The following TEX11 variants were observed in gnomAD, a reference collection of about 807,000 sequenced individuals.
TEX11 encodes testis-expressed protein 11.
In TEX11, 7 loss-of-function variants were observed where a neutral mutation model predicts 84.4. The observed-to-expected ratio is 0.08, with a 90% CI of 0.05 to 0.16. The LOEUF is 0.16. TEX11 is among the 10% of genes least tolerant of loss of function. The pLI is 1.00. For synonymous variants in TEX11, 264 were observed against 222.8 expected (o/e 1.18, Z -1.64); for missense variants, 551 against 660.5 (o/e 0.83, Z 1.82).
At chrX:70,849,419 G>A (rs1207431900) in intron 7 of TEX11, among the ~76,000 whole-genome samples, 1 of 111,883 alleles carries the variant, frequency 8.9e-6, no homozygotes, top group Non-Finnish European at 1.9e-5. Flanking sequence ...CTTGAGGATA[G>A]GATATGTGAT....
intron 3 of TEX11, among the ~76,000 whole-genome samples, chrX:70,874,934 G>C (rs897277682): frequency 1.1e-4 from 12 of 109,953 alleles, no homozygotes; most frequent in African/African-American, 4.0e-4. Context: ...CAGCACTTTG[G>C]GAGGCCGAGG....
At chrX:70,575,623 C>T (rs1292397174) in intron 25 of TEX11, among the ~76,000 whole-genome samples, 4 of 111,705 alleles carry the variant, frequency 3.6e-5, no homozygotes, top group South Asian at 3.8e-4. Flanking sequence ...GGATCCTTGA[C>T]CGTAGACTTC....
chrX:70,731,178 C>T (rs752871453), intron 11 of TEX11, among the ~76,000 whole-genome samples: 15 of 111,903 alleles, frequency 1.3e-4, no homozygotes, highest in African/African-American at 4.2e-4. Context: ...ATTTATAGCA[C>T]TAAATGCCCA....
chrX:70,892,594 G>T (rs964736823), intron 2 of TEX11, among the ~76,000 whole-genome samples: 1 of 110,435 alleles, frequency 9.1e-6, no homozygotes, highest in South Asian at 3.9e-4. Flanking sequence ...ATTGCTGGGC[G>T]TGGTGGCACA....
chrX:70,898,108 G>A (rs1386787830), intron 2 of TEX11, among the ~76,000 whole-genome samples: 1 of 111,541 alleles, frequency 9.0e-6, no homozygotes, highest in Non-Finnish European at 1.9e-5. Flanking sequence ...AAAGATGAGT[G>A]AAGCAGTCTA....
chrX:70,533,273 T>C (rs1317039552), intron 28 of TEX11, among the ~76,000 whole-genome samples: 6 of 100,287 alleles, frequency 6.0e-5, no homozygotes, highest in Non-Finnish European at 1.2e-4. Context: ...CTGGCATCAC[T>C]GAAAGAAAAA....
At chrX:70,549,956 T>G (rs769757836) in intron 28 of TEX11, among the ~76,000 whole-genome samples, 1 of 112,470 alleles carries the variant, frequency 8.9e-6, no homozygotes, top group East Asian at 2.8e-4. Context: ...TGAGACCCAG[T>G]GCTGTGCTGG....
At chrX:70,865,966 T>C (rs2091597131) in intron 4 of TEX11, among the ~76,000 whole-genome samples, 1 of 110,450 alleles carries the variant, frequency 9.1e-6, no homozygotes, top group Non-Finnish European at 1.9e-5. Context: ...CACCCGAACA[T>C]CACAATTAAA....
At chrX:70,728,380 G>A (rs1233112472) in intron 11 of TEX11, among the ~76,000 whole-genome samples, 1 of 113,202 alleles carries the variant, frequency 8.8e-6, no homozygotes, top group African/African-American at 3.2e-5. Context: ...CCTCACCAGG[G>A]AAGCACAAGG....
intron 11 of TEX11, among the ~76,000 whole-genome samples, chrX:70,726,628 T>A (rs1431977385): frequency 9.1e-6 from 1 of 110,431 alleles, no homozygotes; most frequent in Non-Finnish European, 1.9e-5. Flanking sequence ...TCTCCCAGGT[T>A]CAAGCAATTC....
chrX:70,852,975 T>G, intron 7 of TEX11, 59 bp downstream of exon 7: 1 of 1,135,392 alleles, frequency 8.8e-7, no homozygotes, highest in South Asian at 1.9e-5. Context: ...ATATCATCAC[T>G]TTTACTTTTA....
At chrX:70,875,368 C>G (rs1007428697) in intron 3 of TEX11, among the ~76,000 whole-genome samples, 3 of 109,717 alleles carry the variant, frequency 2.7e-5, no homozygotes, top group Non-Finnish European at 5.7e-5. Flanking sequence ...ATATGAGAAA[C>G]AATATAAATA....
At position 70,550,741 on chromosome X, in the gene TEX11, G is replaced by A. The variant is rs189433247; in HGVS notation, c.2520+1385C>T. 4.5e-5 allele frequency among the ~76,000 whole-genome samples: 5 copies of A among 111,532 alleles called. No individual in the cohort carries two copies. The Admixed American group carries it at 4.8e-4, about 11-fold the overall frequency. On this transcript the variant is annotated intron_variant, in intron 28 of 29. Coordinates refer to ENST00000374333, the MANE Select transcript of TEX11 (RefSeq NM_031276.3). ...AAAATGGCTTATATCCAAATGACAG[G>A]CAATAATAGGAAGTGCTGGTGAGGA...
intron 13 of TEX11, among the ~76,000 whole-genome samples, chrX:70,708,117 C>T (rs1395896201): frequency 9.1e-6 from 1 of 110,307 alleles, no homozygotes; most frequent in Non-Finnish European, 1.9e-5. Context: ...AACAAATAGC[C>T]TCATTAAAAA....
Position 70,853,094 on chromosome X carries a change from G to A in TEX11, c.465C>T (p.Thr155=), listed in dbSNP as rs778697570. ...IQRSSPEADL[T]MEKITVESDH... ...CACTCTCAACAGTAATCTTCTCCAT[G>A]GTCAAGTCAGCCTCAGGGGAGCTCC... Residue 155 remains threonine (T), a synonymous_variant, in exon 7 of 30, where the codon ACC becomes ACT. Coordinates refer to ENST00000374333, the MANE Select transcript of TEX11 (RefSeq NM_031276.3). 28 of 1,205,951 alleles carry A rather than the reference G, an allele frequency of 2.3e-5. No homozygotes were observed. The highest frequency in any genetic ancestry group is 2.9e-5 in the Non-Finnish European group (26 of 892,814).
intron 13 of TEX11, among the ~76,000 whole-genome samples, chrX:70,712,835 G>C (rs769185711): frequency 2.7e-5 from 3 of 111,338 alleles, no homozygotes; most frequent in Non-Finnish European, 5.7e-5. Flanking sequence ...ATGTTGAATA[G>C]GAGTGGTGAG....
intron 16 of TEX11, among the ~76,000 whole-genome samples, chrX:70,656,386 C>T (rs1258915032): frequency 2.7e-5 from 3 of 110,510 alleles, no homozygotes; most frequent in African/African-American, 9.9e-5. Flanking sequence ...TGTGTTTACA[C>T]CACTGCACTC....
intron 14 of TEX11, among the ~76,000 whole-genome samples, chrX:70,680,576 A>AC (rs1244867711): frequency 1.1e-4 from 3 of 27,357 alleles, no homozygotes; most frequent in Non-Finnish European, 4.3e-4. Context: ...AAGAATGATC[A>AC]ATTAAAAAAA....
At chrX:70,560,893 GTTTTTTTTTTTTTTTTTTTTT>G (rs745618647) in intron 25 of TEX11, among the ~76,000 whole-genome samples, 1 of 33,593 alleles carries the variant, frequency 3.0e-5, no homozygotes, top group East Asian at 1.5e-3. Flanking sequence ...CACCACACCG[GTTTTTTTTTTTTTTTTTTTTT>G]TTTTTTTTTT....
Sources: allele counts gnomAD v4.1 joint callset (sites outside exome capture counted in the v4.1 genomes callset), GRCh38; gene constraint gnomAD v4.1.1; transcripts MANE v1.5; gene names NCBI Gene and HGNC (gene_info 2026-07-23, HGNC 2026-07-21).